CR1: variants seen among roughly 807,000 people sequenced by gnomAD.
CR1 encodes complement C3b/C4b receptor 1 (Knops blood group).
Under a neutral mutation model 187.3 loss-of-function variants are expected in CR1, and 116 were observed. The ratio of observed to expected loss-of-function variants is 0.62; its 90% confidence interval spans 0.53 to 0.72. CR1 has a LOEUF of 0.72. CR1 is among the 30% of genes least tolerant of loss of function. The probability of loss-of-function intolerance (pLI) is 0.00; values close to 1 mark genes in which losing one functional copy is unlikely to be tolerated. For synonymous variants in CR1, 576 were observed against 747.1 expected (o/e 0.77, Z 3.73); for missense variants, 1,731 against 2,110.7 (o/e 0.82, Z 3.52).
chr1:207,618,310 G>A (rs1662210159), intron 42 of CR1, 63 bp downstream of exon 42: 1 of 1,455,430 alleles, frequency 6.9e-7, no homozygotes, highest in Non-Finnish European at 9.4e-7. Flanking sequence ...AGGCTTGTAA[G>A]GCTGAGAGAC....
intron 4 of CR1, among the ~76,000 whole-genome samples, chr1:207,521,807 A>AAT (rs3991753): frequency 0.014 from 1,832 of 132,822 alleles, 24 homozygotes; most frequent in Middle Eastern, 0.036. Context: ...ACATCTGGAT[A>AAT]ATATATATAT....
intron 1 of CR1, among the ~76,000 whole-genome samples, chr1:207,503,399 GTATTC>G (rs1436123844): frequency 6.6e-6 from 1 of 152,188 alleles, no homozygotes; most frequent in Non-Finnish European, 1.5e-5. Context: ...CAACAGAAAT[GTATTC>G]TCTTCCAGTT....
At chr1:207,617,577 GTATATATATATATATA>G (rs747792167) in intron 41 of CR1, among the ~76,000 whole-genome samples, 19 of 47,180 alleles carry the variant, frequency 4.0e-4, no homozygotes, top group East Asian at 1.2e-3. Context: ...ATGTGTGTGT[GTATATATATATATATA>G]TATATATATA....
At chr1:207,587,047 T>A (rs746244247) in intron 33 of CR1, among the ~76,000 whole-genome samples, 1 of 152,174 alleles carries the variant, frequency 6.6e-6, no homozygotes, top group Non-Finnish European at 1.5e-5. Flanking sequence ...CATGAGTGAA[T>A]TAGCACAAAC....
intron 44 of CR1, 23 bp downstream of exon 44, chr1:207,622,019 T>G (rs767927756): frequency 5.1e-6 from 8 of 1,581,988 alleles, no homozygotes; most frequent in South Asian, 1.1e-5. Flanking sequence ...AAAGTTTTGC[T>G]GAGGAATTCT....
chr1:207,593,873 T>G (rs1175908854), intron 35 of CR1, among the ~76,000 whole-genome samples: 1 of 152,154 alleles, frequency 6.6e-6, no homozygotes, highest in African/African-American at 2.4e-5. Context: ...CACTGGTCAT[T>G]AGAGAAATGC....
At chr1:207,632,572 A>C (rs933978351) in intron 46 of CR1, among the ~76,000 whole-genome samples, 9 of 152,100 alleles carry the variant, frequency 5.9e-5, no homozygotes, top group African/African-American at 2.2e-4. Context: ...GTGGATCATG[A>C]GTCAGGAGAT....
chr1:207,518,330 G>T (rs1659866698), intron 4 of CR1, among the ~76,000 whole-genome samples: 1 of 152,154 alleles, frequency 6.6e-6, no homozygotes, highest in South Asian at 2.1e-4. Flanking sequence ...TTGGTAAAAT[G>T]TTACATATGC....
chr1:207,636,616 T>A (rs1662822929), intron 46 of CR1, among the ~76,000 whole-genome samples: 1 of 152,214 alleles, frequency 6.6e-6, no homozygotes, highest in South Asian at 2.1e-4. Flanking sequence ...TTTTTGCCAA[T>A]CATTAACAAA....
At chr1:207,615,607 A>G (rs1298338256) in intron 40 of CR1, among the ~76,000 whole-genome samples, 2 of 152,238 alleles carry the variant, frequency 1.3e-5, no homozygotes, top group African/African-American at 2.4e-5. Flanking sequence ...CAAGGCAAGA[A>G]TTTTTTAAAC....
At chr1:207,575,344 C>A (rs1385820526) in intron 27 of CR1, among the ~76,000 whole-genome samples, 1 of 151,978 alleles carries the variant, frequency 6.6e-6, no homozygotes, top group Non-Finnish European at 1.5e-5. Flanking sequence ...TATTTTCGTG[C>A]CAGTTGCAGT....
intron 1 of CR1, among the ~76,000 whole-genome samples, chr1:207,499,658 A>G (rs1340300206): frequency 6.6e-6 from 1 of 152,182 alleles, no homozygotes; most frequent in Non-Finnish European, 1.5e-5. Context: ...AAGCTTTACC[A>G]GGCAGTGTTT....
intron 4 of CR1, among the ~76,000 whole-genome samples, chr1:207,515,992 A>G (rs957305510): frequency 6.6e-6 from 1 of 152,142 alleles, no homozygotes; most frequent in African/African-American, 2.4e-5. Context: ...AGGCAGGAGG[A>G]TTGCTTGAAG....
intron 35 of CR1, among the ~76,000 whole-genome samples, chr1:207,604,741 C>T (rs780027433): frequency 1.2e-4 from 18 of 152,042 alleles, no homozygotes; most frequent in Non-Finnish European, 2.4e-4. Context: ...CTTAAAATAC[C>T]TTCCAAAATA....
intron 45 of CR1, among the ~76,000 whole-genome samples, chr1:207,627,435 T>C (rs1471295112): frequency 1.3e-5 from 2 of 152,192 alleles, no homozygotes; most frequent in Non-Finnish European, 2.9e-5. Context: ...CCACTAACAG[T>C]GTTACCACAA....
intron 46 of CR1, among the ~76,000 whole-genome samples, chr1:207,633,644 T>A (rs11803366): frequency 6.6e-6 from 1 of 152,062 alleles, no homozygotes; most frequent in Non-Finnish European, 1.5e-5. Context: ...CTAAATTAAC[T>A]TCTGATGAAT....
chr1:207,565,559 T>C lies in CR1; in HGVS notation c.3867-279T>C, dbSNP rs532904047. ...GTTATCATGGAGTAATCAGTGAAAC[T>C]CCAAGCCTGGGTCCTGGGTCAAGGG... On this transcript the variant is annotated intron_variant, in intron 23 of 46. Coordinates refer to ENST00000367049, the MANE Select transcript of CR1 (RefSeq NM_000651.6). Among the ~76,000 whole-genome samples, 169 of 150,260 alleles carry C rather than the reference T, an allele frequency of 1.1e-3. 3 individuals carry two copies. The highest frequency in any genetic ancestry group is 2.4e-3 in the Admixed American group (37 of 15,216).
intron 46 of CR1, among the ~76,000 whole-genome samples, chr1:207,632,527 G>A (rs1001601584): frequency 5.9e-5 from 9 of 152,148 alleles, no homozygotes; most frequent in African/African-American, 1.4e-4. Flanking sequence ...TGTGGCTCAC[G>A]CCTGTAATCC....
intron 35 of CR1, among the ~76,000 whole-genome samples, chr1:207,589,657 A>C (rs1348752119): frequency 6.6e-6 from 1 of 152,158 alleles, no homozygotes; most frequent in Non-Finnish European, 1.5e-5. Flanking sequence ...GTGGGTAATA[A>C]CAAACTCCTC....
Sources: gnomAD v4.1 joint callset for allele counts (sites outside exome capture counted in the v4.1 genomes callset) on GRCh38, gnomAD v4.1.1 for gene constraint, MANE v1.5 for transcripts, NCBI Gene and HGNC (gene_info 2026-07-23, HGNC 2026-07-21) for gene names.